Variants in MYO1D observed in about 807,000 individuals in gnomAD.
MYO1D encodes the protein unconventional myosin-Id.
Under a neutral mutation model 122.0 loss-of-function variants are expected in MYO1D, and 83 were observed. The observed-to-expected ratio is 0.68, with a 90% confidence interval of 0.57 to 0.82. MYO1D has a LOEUF of 0.82. Among genes scored for constraint, MYO1D ranks in the 40% least tolerant of loss-of-function variants. MYO1D has a pLI of 0.00. For synonymous variants in MYO1D, 464 were observed against 446.9 expected (o/e 1.04, Z -0.48); for missense variants, 1,157 against 1,269.5 (o/e 0.91, Z 1.35).
intron 21 of MYO1D, among the ~76,000 whole-genome samples, chr17:32,553,823 T>C (rs879816035): frequency 2.0e-5 from 3 of 152,180 alleles, no homozygotes. Context: ...TTCAACTTCC[T>C]TTAAGCTGGC....
intron 1 of MYO1D, among the ~76,000 whole-genome samples, chr17:32,828,005 C>T (rs2090737709): frequency 6.6e-6 from 1 of 152,200 alleles, no homozygotes; most frequent in Admixed American, 6.5e-5. Context: ...AGCACATGAT[C>T]ACAAACCGCT....
chr17:32,781,930 C>A (rs1279902210), intron 1 of MYO1D, among the ~76,000 whole-genome samples: 2 of 152,178 alleles, frequency 1.3e-5, no homozygotes, highest in Non-Finnish European at 2.9e-5. Context: ...CAAGTGGTTA[C>A]CACCAACATG....
At chr17:32,669,894 TC>T (rs2088687191) in intron 16 of MYO1D, among the ~76,000 whole-genome samples, 1 of 150,886 alleles carries the variant, frequency 6.6e-6, no homozygotes, top group African/African-American at 2.4e-5. Context: ...ATTTTCTTTT[TC>T]TTTTTTCTTT....
intron 20 of MYO1D, among the ~76,000 whole-genome samples, chr17:32,624,732 TC>T (rs144009990): frequency 0.043 from 6,558 of 151,270 alleles, 469 homozygotes; most frequent in African/African-American, 0.15. Context: ...TGCTGTTTTT[TC>T]CCCCCTAAAA....
chr17:32,592,583 T>C (rs1418063615), intron 21 of MYO1D, among the ~76,000 whole-genome samples: 2 of 152,226 alleles, frequency 1.3e-5, no homozygotes, highest in Non-Finnish European at 2.9e-5. Flanking sequence ...AATTATTTTA[T>C]ATGGTACTAC....
At chr17:32,514,135 G>A (rs1470170149) in intron 21 of MYO1D, among the ~76,000 whole-genome samples, 2 of 149,940 alleles carry the variant, frequency 1.3e-5, no homozygotes, top group African/African-American at 2.5e-5. Context: ...CTAGTTACTC[G>A]GGAGGCTGAG....
At chr17:32,707,968 T>C (rs1009990923) in intron 16 of MYO1D, among the ~76,000 whole-genome samples, 5 of 152,204 alleles carry the variant, frequency 3.3e-5, no homozygotes, top group African/African-American at 1.2e-4. Flanking sequence ...GGAAGCCTGC[T>C]CCTGGTTTCC....
At chr17:32,762,867 G>A (rs9914125) in intron 8 of MYO1D, among the ~76,000 whole-genome samples, 4,967 of 127,908 alleles carry the variant, frequency 0.039, 283 homozygotes, top group African/African-American at 0.13. Context: ...GAGAGACACC[G>A]TCTCAAAAAA....
chr17:32,595,276 G>A (rs924832911), intron 21 of MYO1D, among the ~76,000 whole-genome samples: 1 of 151,986 alleles, frequency 6.6e-6, no homozygotes, highest in African/African-American at 2.4e-5. Context: ...ATCTGTAATC[G>A]GTCACAATTA....
rs577291167 is a variant in MYO1D at position 32,520,378 on chromosome 17, C to T, written c.2865-25463G>A. 1.4e-4 allele frequency among the ~76,000 whole-genome samples: 21 copies of T among 152,326 alleles called. 1 individual carries two copies. The highest frequency in any genetic ancestry group is 4.8e-4 in the African/African-American group (20 of 41,566). The stretch of plus-strand genomic sequence containing the variant: ...AGAAACATCCTGTTAGCACGAATGC[C>T]TTGCTATGAAGTCACACAAAGAGCC... On this transcript the variant is annotated intron_variant, in intron 21 of 21. Transcript: ENST00000318217.
At chr17:32,589,195 G>C (rs537291630) in intron 21 of MYO1D, among the ~76,000 whole-genome samples, 50 of 152,278 alleles carry the variant, frequency 3.3e-4, no homozygotes, top group African/African-American at 1.1e-3. Flanking sequence ...CCGGCCTCGT[G>C]GGGAGGCAGA....
At chr17:32,689,544 C>T (rs536108696) in intron 16 of MYO1D, among the ~76,000 whole-genome samples, 9 of 152,168 alleles carry the variant, frequency 5.9e-5, no homozygotes, top group Non-Finnish European at 8.8e-5. Flanking sequence ...TGACTCATCA[C>T]GTCCTCTTCA....
At chr17:32,586,380 G>T (rs2150903597) in intron 21 of MYO1D, among the ~76,000 whole-genome samples, 1 of 152,276 alleles carries the variant, frequency 6.6e-6, no homozygotes, top group African/African-American at 2.4e-5. Context: ...GGGCCCAGAG[G>T]CTTTCCTATT....
At chr17:32,575,219 T>G (rs2087267893) in intron 21 of MYO1D, among the ~76,000 whole-genome samples, 1 of 152,204 alleles carries the variant, frequency 6.6e-6, no homozygotes, top group Non-Finnish European at 1.5e-5. Flanking sequence ...GGTATTTAAA[T>G]AAAGCTACTT....
chr17:32,527,657 G>T (rs140034595), intron 21 of MYO1D, among the ~76,000 whole-genome samples: 33 of 152,144 alleles, frequency 2.2e-4, no homozygotes, highest in Middle Eastern at 3.4e-3. Context: ...AAATAGCTGG[G>T]TATGGTGGTA....
At chr17:32,594,812 GCA>G (rs1243234675) in intron 21 of MYO1D, among the ~76,000 whole-genome samples, 1 of 152,144 alleles carries the variant, frequency 6.6e-6, no homozygotes, top group Non-Finnish European at 1.5e-5. Context: ...TGGCTTGTGT[GCA>G]CAGACTCTAG....
At chr17:32,737,324 G>C (rs2089715171) in intron 14 of MYO1D, among the ~76,000 whole-genome samples, 1 of 149,642 alleles carries the variant, frequency 6.7e-6, no homozygotes, top group African/African-American at 2.4e-5. Flanking sequence ...AGTCCTTAAA[G>C]AAACAATAAA....
chr17:32,494,934 C>G lies in MYO1D; in HGVS notation c.2865-19G>C. 1 of 1,578,690 alleles carries G rather than the reference C, an allele frequency of 6.3e-7. No individual in the cohort carries two copies. Among genetic ancestry groups the G allele is most frequent in the Non-Finnish European group, 8.6e-7 (1 of 1,156,832 alleles). On this transcript the variant is annotated intron_variant, in intron 21 of 21. Coordinates refer to ENST00000318217, the MANE Select transcript of MYO1D (RefSeq NM_015194.3). ...CTTCTCACTGCAGGAACCAAAAACA[C>G]CAGACGGGCAGTTAGCAGGCAGCAT...
intron 1 of MYO1D, among the ~76,000 whole-genome samples, chr17:32,788,825 T>C (rs1314628631): frequency 6.6e-6 from 1 of 152,216 alleles, no homozygotes; most frequent in African/African-American, 2.4e-5. Context: ...GCATTAAATC[T>C]ATAGATTGCT....
Sources: allele counts gnomAD v4.1 joint callset (sites outside exome capture counted in the v4.1 genomes callset), GRCh38; gene constraint gnomAD v4.1.1; transcripts MANE v1.5; gene names NCBI Gene and HGNC (gene_info 2026-07-23, HGNC 2026-07-21).